Variants in INSR observed in about 807,000 individuals in gnomAD.
INSR encodes the protein IR.
Under a neutral mutation model 142.6 loss-of-function variants are expected in INSR, and 67 were observed. The observed-to-expected ratio is 0.47, with a 90% CI of 0.39 to 0.58. INSR has a LOEUF of 0.58. Ranked by LOEUF, INSR falls within the 20% of genes least tolerant of loss-of-function variation. The probability of loss-of-function intolerance (pLI) is 0.00; values close to 1 mark genes in which losing one functional copy is unlikely to be tolerated. For synonymous variants in INSR, 756 were observed against 743.1 expected (o/e 1.02, Z -0.28); for missense variants, 1,248 against 1,833.2 (o/e 0.68, Z 5.83).
chr19:7,241,879 A>G (rs1354699534), intron 2 of INSR, among the ~76,000 whole-genome samples: 2 of 151,530 alleles, frequency 1.3e-5, no homozygotes, highest in African/African-American at 4.8e-5. Context: ...AAAGAAGAAA[A>G]CAAGCCAGGC....
intron 2 of INSR, among the ~76,000 whole-genome samples, chr19:7,259,675 C>G (rs1976999460): frequency 6.6e-6 from 1 of 151,980 alleles, no homozygotes; most frequent in African/African-American, 2.4e-5. Context: ...AAACATTAGC[C>G]AGGCATGGTG....
chr19:7,286,456 T>C (rs1968346692), intron 1 of INSR, among the ~76,000 whole-genome samples: 2 of 149,962 alleles, frequency 1.3e-5, no homozygotes, highest in South Asian at 4.3e-4. Flanking sequence ...GGCATGAATA[T>C]GGCTTACTGT....
Position 7,293,404 on chromosome 19 carries a change from G to T in INSR, c.100+388C>A, listed in dbSNP as rs920103209. Among the ~76,000 whole-genome samples, 8 of 152,192 alleles carry T rather than the reference G, an allele frequency of 5.3e-5. 1 individual carries two copies. ...ATGCGCTCGGGGGACTTGGCTGTTC[G>T]GGGCTGTCCAGACCCAGTGACCCCA... is the stretch of plus-strand genomic sequence containing the variant. On this transcript the variant is annotated intron_variant, in intron 1 of 21. Coordinates refer to ENST00000302850, the MANE Select transcript of INSR (RefSeq NM_000208.4).
rs57380348 is a variant in INSR, at chr19:7,184,663, GAAATAAATAAATAAATAAAT to G, written c.653-46_653-27del. ...CTGGAGAGAGAGAGAGAGAGAGAGG[GAAATAAATAAATAAATAAAT>G]AAATAAATAAATAAATAAATAAATG... On this transcript the variant is annotated intron_variant, in intron 2 of 21. Transcript: ENST00000302850. 8.3e-6 allele frequency: 8 copies of G among 962,760 alleles called. No homozygotes were observed. In the South Asian group the frequency reaches 1.1e-4, roughly 13 times the overall value. 59.6% of individuals were successfully genotyped at this position (962,760 alleles called of 1,614,324 possible). A position where few individuals can be genotyped will look rare whatever the true frequency, so the allele number is the denominator to read the frequency against.
chr19:7,136,986 C>T lies in INSR; in HGVS notation c.2683-4669G>A, dbSNP rs369730016. On this transcript the variant is annotated intron_variant, in intron 13 of 21. Coordinates refer to ENST00000302850, the MANE Select transcript of INSR (RefSeq NM_000208.4). Reference sequence around the variant, plus strand: ...TAGTTGGGATTACAGGCGTGCACCACCACGCCCGGCTAATTTTTGTATTTT... The same window carrying T: ...TAGTTGGGATTACAGGCGTGCACCATCACGCCCGGCTAATTTTTGTATTTT... 5.3e-5 allele frequency among the ~76,000 whole-genome samples: 8 copies of T among 151,874 alleles called. No homozygotes were observed. In the East Asian group the frequency reaches 1.4e-3, roughly 26 times the overall value.
At chr19:7,214,089 C>A (rs969068232) in intron 2 of INSR, among the ~76,000 whole-genome samples, 1 of 152,078 alleles carries the variant, frequency 6.6e-6, no homozygotes, top group Non-Finnish European at 1.5e-5. Flanking sequence ...ACCAGCTTCA[C>A]AATAAATGCC....
chr19:7,245,005 G>C (rs1311002812), intron 2 of INSR, among the ~76,000 whole-genome samples: 2 of 142,416 alleles, frequency 1.4e-5, no homozygotes, highest in Non-Finnish European at 3.0e-5. Context: ...GCATGATCTC[G>C]GCTCACTGCA....
At chr19:7,172,151 AT>A in intron 5 of INSR, 138 bp downstream of exon 5, 1 of 836,890 alleles carries the variant, frequency 1.2e-6, no homozygotes, top group South Asian at 1.4e-5. Context: ...GCCTCAAGTG[AT>A]TCACCCACGT....
intron 2 of INSR, among the ~76,000 whole-genome samples, chr19:7,242,724 G>A (rs1303732596): frequency 1.2e-4 from 12 of 101,476 alleles, no homozygotes; most frequent in East Asian, 3.0e-4. Flanking sequence ...GTGACACAGC[G>A]AGACTGCCTC....
At chr19:7,250,897 G>A (rs916064074) in intron 2 of INSR, among the ~76,000 whole-genome samples, 6 of 151,336 alleles carry the variant, frequency 4.0e-5, no homozygotes, top group Admixed American at 6.6e-5. Flanking sequence ...TCCCAGGAAC[G>A]TACGATCAGC....
intron 2 of INSR, among the ~76,000 whole-genome samples, chr19:7,230,195 T>G (rs1218671701): frequency 6.6e-6 from 1 of 151,944 alleles, no homozygotes; most frequent in Non-Finnish European, 1.5e-5. Flanking sequence ...ATGGGCAGCT[T>G]AGGTAGGGAA....
intron 2 of INSR, among the ~76,000 whole-genome samples, chr19:7,207,341 C>A (rs1037753677): frequency 6.6e-6 from 1 of 151,952 alleles, no homozygotes. Context: ...CGCTTGAACC[C>A]GGGAGGCAGA....
rs200201955 is a variant in INSR at position 7,122,785 on chromosome 19, A to C, written c.3370-12T>G. The C allele has an allele frequency of 2.1e-4, 340 of 1,614,004 alleles. No homozygotes were observed. The highest frequency in any genetic ancestry group is 1.3e-4 in the Admixed American group (8 of 60,002). On this transcript the variant is annotated splice_polypyrimidine_tract_variant and intron_variant, in intron 18 of 21. Coordinates refer to ENST00000302850, the MANE Select transcript of INSR (RefSeq NM_000208.4). ...CGGCCAGGATTATTCTAAAACAGAA[A>C]CACGGGGTTGGTGTTTCAGCAGCAC... is the stretch of plus-strand genomic sequence containing the variant.
intron 2 of INSR, among the ~76,000 whole-genome samples, chr19:7,208,667 C>A (rs1248334598): frequency 6.6e-6 from 1 of 151,720 alleles, no homozygotes; most frequent in South Asian, 2.1e-4. Flanking sequence ...CCCAGGAGCT[C>A]GAGACCAGCT....
chr19:7,151,166 TTCTTTCTTTCTTTCTTTC>T (rs1256900913), intron 10 of INSR, among the ~76,000 whole-genome samples: 1 of 3,616 alleles, frequency 2.8e-4, no homozygotes, highest in East Asian at 0.02. Context: ...TTCTTTCTCT[TTCTTTCTTTCTTTCTTTC>T]TTTCTTTCTT....
rs1441056182 is a variant in INSR, at chr19:7,141,707, A to C, written c.2652T>G (p.Tyr884Ter). Residue 884 changes from tyrosine (Y) to a stop codon, truncating the protein, a stop_gained, in exon 13 of 22, where the codon TAT (tyrosine) becomes TAG (stop). Transcript: ENST00000302850. LOFTEE classifies it high-confidence loss of function. ...CACCATATCGCCGATAACTCACTTCATACAGCACGATCAGACCATTGGGCT... is the reference window on the plus strand; with the variant it reads ...CACCATATCGCCGATAACTCACTTCCTACAGCACGATCAGACCATTGGGCT... ...PKEPNGLIVL[Y>*]EVSYRRYGDE... 6.2e-7 allele frequency: 1 copy of C among 1,614,106 alleles called. No homozygotes were observed. Among genetic ancestry groups the C allele is most frequent in the Non-Finnish European group, 8.5e-7 (1 of 1,180,028 alleles).
Position 7,186,793 on chromosome 19 carries a change from C to T in INSR, c.653-2156G>A, listed in dbSNP as rs956323704. On this transcript the variant is annotated intron_variant, in intron 2 of 21. Transcript: ENST00000302850. ...GATCTCAGCTCACTGTAACCTCTGC[C>T]TCCCGGGTTCAAGTGATTCTCCTGC... Among the ~76,000 whole-genome samples, 17 of 152,190 alleles carry T rather than the reference C, an allele frequency of 1.1e-4. 1 individual carries two copies. The South Asian group carries it at 2.5e-3, about 22-fold the overall frequency.
rs1973300679 is a variant in INSR at position 7,150,179 on chromosome 19, C to T, written c.2267+318G>A. Among the ~76,000 whole-genome samples the T allele has an allele frequency of 6.6e-6, 1 of 152,134 alleles. No individual in the cohort carries two copies. The highest frequency in any genetic ancestry group is 2.4e-5 in the African/African-American group (1 of 41,430). Reference sequence around the variant, plus strand: ...ACCCCCACCCACCTCTGCAAATGCACGCGGGAGGTGCAGAGATGTTTAGTG... The same window carrying T: ...ACCCCCACCCACCTCTGCAAATGCATGCGGGAGGTGCAGAGATGTTTAGTG... On this transcript the variant is annotated intron_variant, in intron 11 of 21. Coordinates refer to ENST00000302850, the MANE Select transcript of INSR (RefSeq NM_000208.4). The surrounding 1 kb of genome is among the most constrained non-coding windows in gnomAD (Gnocchi z 4.2).
At chr19:7,265,507 G>A (rs1032498520) in intron 2 of INSR, among the ~76,000 whole-genome samples, 6 of 152,160 alleles carry the variant, frequency 3.9e-5, no homozygotes, top group African/African-American at 1.2e-4. Context: ...TTGGGAGGCC[G>A]AGGTGGGTGG....
Sources: allele counts gnomAD v4.1 joint callset (sites outside exome capture counted in the v4.1 genomes callset), GRCh38; gene constraint gnomAD v4.1.1; non-coding constraint Gnocchi (gnomAD v3.1); transcripts MANE v1.5; gene names NCBI Gene and HGNC (gene_info 2026-07-23, HGNC 2026-07-21).